AMDHD1: variants seen among roughly 807,000 people sequenced by gnomAD.
AMDHD1 encodes probable imidazolonepropionase.
In AMDHD1, 45 loss-of-function variants were observed where a neutral mutation model predicts 44.1. That is an observed-to-expected ratio of 1.02 (90% CI 0.80 to 1.31). The LOEUF (loss-of-function observed/expected upper bound fraction) is 1.31. AMDHD1 is among the 50% of genes most tolerant of loss of function. The probability of loss-of-function intolerance (pLI) is 0.00; values close to 1 mark genes in which losing one functional copy is unlikely to be tolerated. For synonymous variants in AMDHD1, 206 were observed against 205.0 expected, an observed-to-expected ratio of 1.00 and a Z score of -0.04; for missense variants, 586 against 552.1, an observed-to-expected ratio of 1.06 and a Z score of -0.61.
chr12:95,963,771 T>A (rs2080594707), intron 6 of AMDHD1, among the ~76,000 whole-genome samples: 1 of 152,180 alleles, frequency 6.6e-6, no homozygotes, highest in African/African-American at 2.4e-5. Context: ...GGCTCACGCC[T>A]GTAATCCCAG....
Position 95,948,359 on chromosome 12 carries a change from TG to T in AMDHD1, c.138-4349del, listed in dbSNP as rs1209702709. Among the ~76,000 whole-genome samples, 192 of 31,184 alleles carry T rather than the reference TG, an allele frequency of 6.2e-3. 4 individuals are homozygous for T. The highest frequency in any genetic ancestry group is 0.03 in the African/African-American group (125 of 4,176). 20.5% of individuals were successfully genotyped at this position (31,184 alleles called of 152,430 possible). On this transcript the variant is annotated intron_variant, in intron 1 of 8. Coordinates refer to ENST00000266736, the MANE Select transcript of AMDHD1 (RefSeq NM_152435.3). ...CCAGCCGCCCCGTCTGGGAGGGAGG[TG>T]GGGGGGGGTCAGCCCCCCTGCCCGG... is the stretch of plus-strand genomic sequence containing the variant.
At chr12:95,965,920 A>C (rs2080607923) in intron 7 of AMDHD1, 141 bp downstream of exon 7, 1 of 607,042 alleles carries the variant, frequency 1.6e-6, no homozygotes, top group East Asian at 3.1e-5. Flanking sequence ...AGGGGTAGAC[A>C]GCAGTGTAAT....
intron 1 of AMDHD1, among the ~76,000 whole-genome samples, chr12:95,949,337 G>A (rs35756705): frequency 0.21 from 31,921 of 151,982 alleles, 3,875 homozygotes; most frequent in East Asian, 0.45. Flanking sequence ...ACTCAAAGAA[G>A]CATCATCCTC....
intron 1 of AMDHD1, among the ~76,000 whole-genome samples, chr12:95,951,087 T>C (rs1296192053): frequency 6.6e-6 from 1 of 152,204 alleles, no homozygotes; most frequent in Admixed American, 6.5e-5. Flanking sequence ...GTTACAAACA[T>C]TCCAATCGTA....
chr12:95,952,889 G>A, intron 2 of AMDHD1, 66 bp downstream of exon 2: 3 of 908,394 alleles, frequency 3.3e-6, no homozygotes, highest in Non-Finnish European at 5.3e-6. Flanking sequence ...AATGTAAAGA[G>A]GAAGAGTAAC....
chr12:95,960,690 T>G (rs1001359829), intron 5 of AMDHD1, 67 bp downstream of exon 5: 3 of 1,459,212 alleles, frequency 2.1e-6, no homozygotes, highest in Non-Finnish European at 2.8e-6. Flanking sequence ...ATGGGAAACT[T>G]AATTAGTTTC....
At chr12:95,962,040 G>A (rs745935965) in intron 5 of AMDHD1, among the ~76,000 whole-genome samples, 6 of 152,222 alleles carry the variant, frequency 3.9e-5, no homozygotes, top group Non-Finnish European at 7.3e-5. Context: ...GTCCGAGGCA[G>A]GCGGATCACG....
chr12:95,946,137 G>T (rs1262378349), intron 1 of AMDHD1, among the ~76,000 whole-genome samples: 1 of 150,986 alleles, frequency 6.6e-6, no homozygotes, highest in Non-Finnish European at 1.5e-5. Flanking sequence ...TGGAAAAGAA[G>T]CACAAACTGT....
intron 5 of AMDHD1, 138 bp from the exon 6 acceptor site, chr12:95,962,216 AG>A: frequency 8.1e-7 from 1 of 1,228,288 alleles, no homozygotes; most frequent in Non-Finnish European, 1.1e-6. Context: ...CAGTGAGCTG[AG>A]ATTGCACTAC....
At chr12:95,958,698 T>C (rs1373494239) in intron 4 of AMDHD1, among the ~76,000 whole-genome samples, 4 of 152,202 alleles carry the variant, frequency 2.6e-5, no homozygotes, top group Non-Finnish European at 4.4e-5. Flanking sequence ...TGAACATGAA[T>C]TACTCATCTG....
chr12:95,956,819 T>C lies in AMDHD1; in HGVS notation c.444T>C (p.Ala148=), dbSNP rs1418497598. The C allele has an allele frequency of 6.2e-7, 1 of 1,614,206 alleles. No homozygotes were observed. Among genetic ancestry groups the C allele is most frequent in the Admixed American group, 1.7e-5 (1 of 60,030 alleles). Residue 148 remains alanine, a synonymous_variant, in exon 4 of 9, where the codon GCT becomes GCC. Coordinates refer to ENST00000266736, the MANE Select transcript of AMDHD1 (RefSeq NM_152435.3). ...AACGGCTCCAGTGCATGATGAGGGC[T>C]GGCACCACGCTGGTGGAGTGCAAGA... ...LQQRLQCMMR[A]GTTLVECKSG... is the part of the protein sequence containing the mutation.
chr12:95,954,819 C>A (rs1296002488), intron 2 of AMDHD1, 92 bp from the exon 3 acceptor site: 2 of 1,196,274 alleles, frequency 1.7e-6, no homozygotes, highest in East Asian at 4.9e-5. Flanking sequence ...TCACACTTTC[C>A]CCAGAGCAGC....
In AMDHD1 at chr12:95,956,769, G is replaced by A; in HGVS notation, c.394G>A (p.Glu132Lys). 1 of 1,614,244 alleles carries A rather than the reference G, an allele frequency of 6.2e-7. No individual in the cohort carries two copies. The highest frequency in any genetic ancestry group is 1.3e-5 in the African/African-American group (1 of 75,076). The stretch of plus-strand genomic sequence containing the variant: ...GGAGCGCACGCGCCAAGCCACAGAG[G>A]AGGAGCTGTTCCGCTCCTTGCAGCA... ...TVERTRQATE[E>K]ELFRSLQQRL... Residue 132 changes from glutamate (E) to lysine (K), a missense_variant, in exon 4 of 9, where the codon GAG becomes AAG. Physicochemically the swap from Glu to Lys is moderately conservative, Grantham distance 56. Coordinates refer to ENST00000266736, the MANE Select transcript of AMDHD1 (RefSeq NM_152435.3).
At chr12:95,966,814 G>A (rs10507069) in intron 8 of AMDHD1, among the ~76,000 whole-genome samples, 33 of 152,220 alleles carry the variant, frequency 2.2e-4, no homozygotes, top group East Asian at 5.8e-4. Flanking sequence ...TTTTCTGCTC[G>A]GCTTCTGATT....
chr12:95,944,268 C>G (rs2080482275), intron 1 of AMDHD1, among the ~76,000 whole-genome samples: 1 of 152,144 alleles, frequency 6.6e-6, no homozygotes, highest in Non-Finnish European at 1.5e-5. Flanking sequence ...CACGGCTTAT[C>G]TGAGGCAGTT....
intron 3 of AMDHD1, among the ~76,000 whole-genome samples, chr12:95,955,984 T>C (rs775473399): frequency 6.6e-6 from 1 of 152,212 alleles, no homozygotes; most frequent in Non-Finnish European, 1.5e-5. Flanking sequence ...CTGAATTGCC[T>C]AAGCTTTGTT....
intron 1 of AMDHD1, among the ~76,000 whole-genome samples, chr12:95,952,292 C>A (rs2080528799): frequency 1.3e-5 from 2 of 152,292 alleles, no homozygotes; most frequent in East Asian, 3.9e-4. Context: ...TTCCCTAGCA[C>A]CATTTATTGA....
Position 95,956,765 on chromosome 12 carries a change from A to G in AMDHD1, c.390A>G (p.Thr130=). 4 of 1,614,254 alleles carry G rather than the reference A, an allele frequency of 2.5e-6. No individual in the cohort carries two copies. Among genetic ancestry groups the G allele is most frequent in the Non-Finnish European group, 3.4e-6 (4 of 1,180,044 alleles). Residue 130 remains threonine (T), a synonymous_variant, in exon 4 of 9, where the codon ACA becomes ACG. Coordinates refer to ENST00000266736, the MANE Select transcript of AMDHD1 (RefSeq NM_152435.3). ...CCGTGGAGCGCACGCGCCAAGCCAC[A>G]GAGGAGGAGCTGTTCCGCTCCTTGC... ...HFTVERTRQA[T]EEELFRSLQQ...
At chr12:95,962,129 G>A (rs915536789) in intron 5 of AMDHD1, among the ~76,000 whole-genome samples, 1 of 152,202 alleles carries the variant, frequency 6.6e-6, no homozygotes, top group African/African-American at 2.4e-5. Context: ...AGCTGGGCAT[G>A]GTGGCACACG....
Sources: gnomAD v4.1 joint callset for allele counts (sites outside exome capture counted in the v4.1 genomes callset) on GRCh38, gnomAD v4.1.1 for gene constraint, MANE v1.5 for transcripts, NCBI Gene and HGNC (gene_info 2026-07-23, HGNC 2026-07-21) for gene names.